Variants in HPSE2 observed in about 807,000 individuals in gnomAD.
HPSE2 encodes the protein inactive heparanase-2.
In HPSE2, 38 loss-of-function variants were observed where a neutral mutation model predicts 60.5. The ratio of observed to expected loss-of-function variants is 0.63; its 90% CI spans 0.48 to 0.82. The LOEUF is 0.82. Ranked by LOEUF, HPSE2 falls within the 40% of genes least tolerant of loss-of-function variation. The pLI is 0.00. For missense variants in HPSE2, 713 were observed against 740.4 expected (o/e 0.96, Z 0.43); for synonymous variants, 295 against 293.2 (o/e 1.01, Z -0.06).
At chr10:98,692,086 A>C (rs1327253013) in intron 6 of HPSE2, among the ~76,000 whole-genome samples, 2 of 152,198 alleles carry the variant, frequency 1.3e-5, no homozygotes, top group Non-Finnish European at 2.9e-5. Context: ...AAGAACTAAG[A>C]AAAAGAATGA....
At chr10:98,894,138 G>A (rs1953416160) in intron 3 of HPSE2, among the ~76,000 whole-genome samples, 1 of 152,074 alleles carries the variant, frequency 6.6e-6, no homozygotes, top group Non-Finnish European at 1.5e-5. Context: ...TAGATTGCTG[G>A]TGCCCAAAAG....
At chr10:99,256,325 C>T in the HPSE2 span, among the ~76,000 whole-genome samples, 3 of 40,878 alleles carry the variant, frequency 7.3e-5, no homozygotes, top group African/African-American at 2.7e-4. Flanking sequence ...CAAGTTTGAT[C>T]TCTTGCTCTT....
intron 3 of HPSE2, among the ~76,000 whole-genome samples, chr10:99,047,077 A>G (rs1394941318): frequency 1.3e-5 from 2 of 152,230 alleles, no homozygotes; most frequent in East Asian, 3.8e-4. Flanking sequence ...ATGATATTAT[A>G]GGGCTACTGT....
intron 6 of HPSE2, among the ~76,000 whole-genome samples, chr10:98,680,595 T>A (rs1947758524): frequency 6.6e-6 from 1 of 152,164 alleles, no homozygotes; most frequent in Admixed American, 6.6e-5. Flanking sequence ...CTTAAGAATG[T>A]CCTTGATAAA....
chr10:99,195,479 A>G (rs975459186), intron 2 of HPSE2, among the ~76,000 whole-genome samples: 2 of 152,128 alleles, frequency 1.3e-5, no homozygotes, highest in African/African-American at 4.8e-5. Flanking sequence ...CTCCATTAAA[A>G]AAAAACTATT....
intron 2 of HPSE2, among the ~76,000 whole-genome samples, chr10:99,222,747 T>TAA (rs1249397422): frequency 2.0e-5 from 3 of 152,216 alleles, no homozygotes; most frequent in Non-Finnish European, 2.9e-5. Flanking sequence ...GATCAGTTGT[T>TAA]GTTCTACTCC....
chr10:98,909,665 G>A (rs2135016073), intron 3 of HPSE2, among the ~76,000 whole-genome samples: 1 of 151,646 alleles, frequency 6.6e-6, no homozygotes, highest in African/African-American at 2.4e-5. Flanking sequence ...AAAAAAGTTT[G>A]GTTTTTTTTA....
the HPSE2 span, among the ~76,000 whole-genome samples, chr10:99,291,197 G>A: frequency 6.6e-6 from 1 of 152,138 alleles, no homozygotes. Flanking sequence ...GGCCACAGGG[G>A]ATGGATCAAA....
At chr10:99,132,191 A>AGAGAGAG (rs1845434112) in intron 3 of HPSE2, among the ~76,000 whole-genome samples, 1 of 71,900 alleles carries the variant, frequency 1.4e-5, no homozygotes, top group Admixed American at 1.8e-4. Flanking sequence ...GAAAGAAAGA[A>AGAGAGAG]AGAGAGAGAG....
chr10:99,022,222 C>T (rs1335595042), intron 3 of HPSE2, among the ~76,000 whole-genome samples: 1 of 151,974 alleles, frequency 6.6e-6, no homozygotes, highest in Non-Finnish European at 1.5e-5. Flanking sequence ...AGAAATTGAA[C>T]TCAGTGCCAT....
intron 11 of HPSE2, among the ~76,000 whole-genome samples, chr10:98,470,954 AAATGTC>A (rs1376897297): frequency 6.6e-6 from 1 of 152,262 alleles, no homozygotes; most frequent in Non-Finnish European, 1.5e-5. Flanking sequence ...TCTTGGTTTA[AAATGTC>A]AAGTCGCTGT....
chr10:99,248,283 A>G, the HPSE2 span, among the ~76,000 whole-genome samples: 2 of 152,218 alleles, frequency 1.3e-5, no homozygotes, highest in Non-Finnish European at 2.9e-5. Context: ...CCAGGCTGAG[A>G]TGGTCTCAGA....
intron 9 of HPSE2, among the ~76,000 whole-genome samples, chr10:98,491,621 A>G (rs1941647419): frequency 6.6e-6 from 1 of 152,188 alleles, no homozygotes; most frequent in Non-Finnish European, 1.5e-5. Context: ...TAAGTTAGCT[A>G]GGATTAGCTT....
Position 99,204,136 on chromosome 10 carries a change from T to C in HPSE2, c.448+28212A>G, listed in dbSNP as rs375310653. ...CCACACCAGTGCCAGGTCCCCTACA[T>C]TGGACCCAGACTTCAGGCTGATGAC... On this transcript the variant is annotated intron_variant, in intron 2 of 11. Transcript: ENST00000370552. 2.0e-5 allele frequency among the ~76,000 whole-genome samples: 3 copies of C among 151,952 alleles called. No homozygotes were observed. In the East Asian group the frequency reaches 5.8e-4, roughly 29 times the overall value.
intron 3 of HPSE2, among the ~76,000 whole-genome samples, chr10:98,776,219 G>A (rs547954120): frequency 4.0e-5 from 6 of 150,860 alleles, no homozygotes; most frequent in Admixed American, 3.3e-4. Flanking sequence ...GATCACTTGA[G>A]GTCAAGAGTT....
chr10:98,527,258 T>C (rs910132308), intron 9 of HPSE2, among the ~76,000 whole-genome samples: 5 of 152,192 alleles, frequency 3.3e-5, no homozygotes, highest in Non-Finnish European at 5.9e-5. Context: ...GTCATTCCCC[T>C]ATAACTTAAA....
At chr10:98,948,246 G>A (rs556643740) in intron 3 of HPSE2, among the ~76,000 whole-genome samples, 52 of 152,224 alleles carry the variant, frequency 3.4e-4, no homozygotes, top group African/African-American at 1.2e-3. Flanking sequence ...GACTTCACAG[G>A]ATTTATAACA....
intron 2 of HPSE2, among the ~76,000 whole-genome samples, chr10:99,231,066 T>A (rs1031315490): frequency 5.3e-5 from 8 of 152,180 alleles, no homozygotes; most frequent in Non-Finnish European, 1.2e-4. Flanking sequence ...CCTACATGCT[T>A]TGGCAAATGT....
chr10:99,094,148 C>T (rs921777287), intron 3 of HPSE2, among the ~76,000 whole-genome samples: 1 of 151,964 alleles, frequency 6.6e-6, no homozygotes, highest in Non-Finnish European at 1.5e-5. Flanking sequence ...CCATTTGACC[C>T]ATGAATTACT....
Sources: gnomAD v4.1 joint callset for allele counts (sites outside exome capture counted in the v4.1 genomes callset) on GRCh38, gnomAD v4.1.1 for gene constraint, MANE v1.5 for transcripts, NCBI Gene and HGNC (gene_info 2026-07-23, HGNC 2026-07-21) for gene names.